SLC6A16: variants seen among roughly 807,000 people sequenced by gnomAD.
SLC6A16 encodes the protein orphan sodium- and chloride-dependent neurotransmitter transporter NTT5.
A neutral mutation model predicts 65.4 loss-of-function variants in SLC6A16; 54 were observed. The observed-to-expected ratio is 0.83, with a 90% CI of 0.66 to 1.04. The LOEUF (loss-of-function observed/expected upper bound fraction) is 1.04. Ranked by LOEUF, SLC6A16 falls within the 50% of genes least tolerant of loss-of-function variation. The pLI is 0.00. For missense variants in SLC6A16, 816 were observed against 914.0 expected, an observed-to-expected ratio of 0.89 and a Z score of 1.38; for synonymous variants, 330 against 346.5, an observed-to-expected ratio of 0.95 and a Z score of 0.53.
intron 1 of SLC6A16, among the ~76,000 whole-genome samples, chr19:49,324,338 T>C (rs1489716340): frequency 6.6e-6 from 1 of 152,018 alleles, no homozygotes; most frequent in Non-Finnish European, 1.5e-5. Context: ...CTCAAATAAA[T>C]AAATAAATAA....
At chr19:49,312,272 A>G (rs1970537643) in intron 1 of SLC6A16, among the ~76,000 whole-genome samples, 1 of 152,220 alleles carries the variant, frequency 6.6e-6, no homozygotes, top group Non-Finnish European at 1.5e-5. Context: ...TTGTAACCTT[A>G]GAAAAGTTAC....
At chr19:49,313,625 CAAAAAAAAAAA>C (rs902187308) in intron 1 of SLC6A16, among the ~76,000 whole-genome samples, 1 of 47,386 alleles carries the variant, frequency 2.1e-5, no homozygotes, top group Non-Finnish European at 5.0e-5. Context: ...ACTAAAAATG[CAAAAAAAAAAA>C]AAAAAAAAAA....
the SLC6A16 span, chr19:49,335,573 C>T: frequency 5.0e-6 from 8 of 1,614,068 alleles, no homozygotes; most frequent in Non-Finnish European, 6.8e-6. This position sits in a 1 kb window ranked among gnomAD's most constrained non-coding sequence, Gnocchi z 4.6. Flanking sequence ...TCAGCCTCAT[C>T]AAGTACTTCC....
In SLC6A16 at chr19:49,311,323, T is replaced by C; in HGVS notation, c.25A>G (p.Thr9Ala). MKTEAQPS[T>A]SLLANTSWTG... ...CATGAGGTGTTTGCCAGCAAGGATG[T>C]CGAAGGCTGGGCCTCTGTCTTCATC... The change falls in exon 2 of 12, where the codon ACA becomes GCA. Residue 9 changes from threonine (T) to alanine (A), a missense_variant. By Grantham distance (58) the Thr-to-Ala change is moderately conservative. Coordinates refer to ENST00000335875, the MANE Select transcript of SLC6A16 (RefSeq NM_014037.3). 2 of 1,594,120 alleles carry C rather than the reference T, an allele frequency of 1.3e-6. No homozygotes were observed. Among genetic ancestry groups the C allele is most frequent in the Non-Finnish European group, 1.7e-6 (2 of 1,170,534 alleles).
At chr19:49,321,224 A>G in intron 1 of SLC6A16, among the ~76,000 whole-genome samples, 1 of 152,132 alleles carries the variant, frequency 6.6e-6, no homozygotes, top group East Asian at 1.9e-4. Flanking sequence ...AAATCAATCA[A>G]TATAATATAC....
intron 1 of SLC6A16, among the ~76,000 whole-genome samples, chr19:49,319,913 A>G (rs550465849): frequency 4.7e-4 from 71 of 152,330 alleles, no homozygotes; most frequent in Non-Finnish European, 9.0e-4. Context: ...ATGAATCACA[A>G]AAGTAAAATT....
the SLC6A16 span, chr19:49,338,613 C>T: frequency 1.6e-5 from 16 of 970,874 alleles, no homozygotes; most frequent in Admixed American, 2.8e-4. The surrounding 1 kb of genome is among the most constrained non-coding windows in gnomAD (Gnocchi z 5.0). Context: ...GCTCCCCGAC[C>T]TGACCTCATA....
Position 49,290,592 on chromosome 19 carries a change from G to C in SLC6A16, c.1941+13C>G, listed in dbSNP as rs762692837. On this transcript the variant is annotated intron_variant, in intron 11 of 11. Coordinates refer to ENST00000335875, the MANE Select transcript of SLC6A16 (RefSeq NM_014037.3). ...TACTCCCAAAGGGGTTCTGGGTCCT[G>C]GGGGAGGCTCACGGTGCTTGAGTCC... 3.7e-6 allele frequency: 6 copies of C among 1,613,674 alleles called. No individual in the cohort carries two copies. The Middle Eastern group carries it at 5.0e-4, about 133-fold the overall frequency.
At position 49,309,855 on chromosome 19, in the gene SLC6A16, G is replaced by A. The variant is rs755175096; in HGVS notation, c.701-29C>T. The A allele has an allele frequency of 1.6e-5, 26 of 1,601,460 alleles. No individual in the cohort carries two copies. In the Admixed American group the frequency reaches 4.0e-4, roughly 25 times the overall value. On this transcript the variant is annotated intron_variant, in intron 4 of 11. Coordinates refer to ENST00000335875, the MANE Select transcript of SLC6A16 (RefSeq NM_014037.3). ...GGGGGACCTGGCTTTAGACATGCCTGCTAGACAAGGTACCCCCTCTTCTTC... is the reference window on the plus strand; with the variant it reads ...GGGGGACCTGGCTTTAGACATGCCTACTAGACAAGGTACCCCCTCTTCTTC...
chr19:49,316,965 A>T (rs1198974042), intron 1 of SLC6A16, among the ~76,000 whole-genome samples: 1 of 151,730 alleles, frequency 6.6e-6, no homozygotes, highest in Non-Finnish European at 1.5e-5. Flanking sequence ...TGAGCCCAGG[A>T]GTTCAAGGTT....
rs1431391687 is a variant in SLC6A16 at position 49,311,418 on chromosome 19, G to A, written c.-64-7C>T. The A allele has an allele frequency of 2.0e-6, 3 of 1,481,052 alleles. No individual in the cohort carries two copies. The highest frequency in any genetic ancestry group is 1.4e-5 in the South Asian group (1 of 70,554). The allele number at this position is 1,481,052 out of a possible 1,614,324, so 91.7% of individuals were successfully genotyped here. A position where few individuals can be genotyped will look rare whatever the true frequency, so the allele number is the denominator to read the frequency against. The stretch of plus-strand genomic sequence containing the variant: ...TTCATCTTCCTGAGGAGACCTGAAG[G>A]ACACCAAAATCTGTAGATTTTAGAT... On this transcript the variant is annotated splice_region_variant and splice_polypyrimidine_tract_variant and intron_variant, in intron 1 of 11. Transcript: ENST00000335875.
At chr19:49,339,510 C>T in the SLC6A16 span, 1 of 1,509,516 alleles carries the variant, frequency 6.6e-7, no homozygotes, top group Non-Finnish European at 9.0e-7. This position sits in a 1 kb window ranked among gnomAD's most constrained non-coding sequence, Gnocchi z 4.5. Context: ...AGGACGAGCT[C>T]AGGGCGGAGC....
intron 4 of SLC6A16, 95 bp from the exon 5 acceptor site, chr19:49,309,921 C>T (rs1373961451): frequency 1.3e-6 from 2 of 1,522,830 alleles, no homozygotes; most frequent in Non-Finnish European, 1.8e-6. Context: ...TTCCCTCTCC[C>T]ATTTCTTTTT....
At chr19:49,299,245 CAAA>C (rs768577715) in intron 7 of SLC6A16, among the ~76,000 whole-genome samples, 4 of 84,504 alleles carry the variant, frequency 4.7e-5, no homozygotes, top group Admixed American at 2.8e-4. Flanking sequence ...GACTCCGTCT[CAAA>C]AAAAAAAAAA....
intron 7 of SLC6A16, among the ~76,000 whole-genome samples, chr19:49,302,954 T>C (rs560526332): frequency 6.6e-6 from 1 of 151,960 alleles, no homozygotes; most frequent in Admixed American, 6.5e-5. Flanking sequence ...GAAAAAGAAA[T>C]GAAGATAACC....
chr19:49,309,753 G>A lies in SLC6A16; in HGVS notation c.774C>T (p.Ile258=), dbSNP rs757188136. ...YQQALKASDR[I]EDGGSPVYSL... ...TGTAGACTGGTGACCCGCCATCCTCGATTCTGTCTGAGGCCTTCAAGGCCT... is the reference window on the plus strand; with the variant it reads ...TGTAGACTGGTGACCCGCCATCCTCAATTCTGTCTGAGGCCTTCAAGGCCT... Residue 258 remains isoleucine (I), a synonymous_variant, in exon 5 of 12, where the codon ATC becomes ATT. Coordinates refer to ENST00000335875, the MANE Select transcript of SLC6A16 (RefSeq NM_014037.3). 12 of 1,614,044 alleles carry A rather than the reference G, an allele frequency of 7.4e-6. No homozygotes were observed. The highest frequency in any genetic ancestry group is 4.5e-5 in the East Asian group (2 of 44,872).
chr19:49,331,706 A>T, the SLC6A16 span: 1 of 456,128 alleles, frequency 2.2e-6, no homozygotes, highest in Non-Finnish European at 4.4e-6. Context: ...AGGATTATGG[A>T]GGACATTTCA....
Position 49,309,287 on chromosome 19 carries a change from G to A in SLC6A16, c.987+14C>T. 1 of 1,598,970 alleles carries A rather than the reference G, an allele frequency of 6.3e-7. No homozygotes were observed. The highest frequency in any genetic ancestry group is 8.6e-7 in the Non-Finnish European group (1 of 1,166,250). ...CTACAAGGCCTGACGGGGGAGTGAG[G>A]AGATAGATTTCACCTTGGCAACCAC... On this transcript the variant is annotated intron_variant, in intron 6 of 11. Coordinates refer to ENST00000335875, the MANE Select transcript of SLC6A16 (RefSeq NM_014037.3).
chr19:49,297,864 T>C (rs1054895705), intron 7 of SLC6A16, among the ~76,000 whole-genome samples: 13 of 152,042 alleles, frequency 8.6e-5, no homozygotes, highest in African/African-American at 3.1e-4. Context: ...TTCTACTTAC[T>C]CTGAAGAAAA....
Sources: gnomAD v4.1 joint callset for allele counts (sites outside exome capture counted in the v4.1 genomes callset) on GRCh38, gnomAD v4.1.1 for gene constraint, Gnocchi (gnomAD v3.1) non-coding constraint, MANE v1.5 for transcripts, NCBI Gene and HGNC (gene_info 2026-07-23, HGNC 2026-07-21) for gene names.